The following WWTR1 variants were observed in gnomAD, a reference collection of about 807,000 sequenced individuals.
WWTR1 encodes the protein WW domain-containing transcription regulator protein 1.
WWTR1 carries 13 observed loss-of-function variants against 40.1 expected under a neutral mutation model. The ratio of observed to expected loss-of-function variants is 0.32; its 90% CI spans 0.21 to 0.52. The LOEUF is 0.52. Among genes scored for constraint, WWTR1 ranks in the 20% least tolerant of loss-of-function variants. The probability of loss-of-function intolerance (pLI) is 0.97; values close to 1 mark genes in which losing one functional copy is unlikely to be tolerated. For missense variants in WWTR1, 436 were observed against 523.1 expected (o/e 0.83, Z 1.63); for synonymous variants, 230 against 210.1 (o/e 1.09, Z -0.82).
chr3:149,651,482 A>T (rs1358753658), intron 2 of WWTR1, among the ~76,000 whole-genome samples: 1 of 152,156 alleles, frequency 6.6e-6, no homozygotes, highest in Non-Finnish European at 1.5e-5. Flanking sequence ...GACAAAGAAG[A>T]CTCGATAGGT....
chr3:149,568,885 GC>G (rs1274897816), intron 3 of WWTR1, among the ~76,000 whole-genome samples: 2 of 152,190 alleles, frequency 1.3e-5, no homozygotes, highest in African/African-American at 2.4e-5. Flanking sequence ...TCCTGCCTCA[GC>G]CTCCCGAGCA....
At chr3:149,599,239 A>T (rs932539441) in intron 2 of WWTR1, among the ~76,000 whole-genome samples, 3 of 152,238 alleles carry the variant, frequency 2.0e-5, no homozygotes, top group Admixed American at 1.3e-4. Flanking sequence ...CCAATTAGCA[A>T]ATGGATTGTT....
chr3:149,532,813 C>T (rs1190682941), intron 4 of WWTR1, among the ~76,000 whole-genome samples: 1 of 152,210 alleles, frequency 6.6e-6, no homozygotes, highest in Non-Finnish European at 1.5e-5. Flanking sequence ...GAAAGGCAAA[C>T]GTCTGACTTA....
At chr3:149,690,603 T>C (rs1714792441) in intron 1 of WWTR1, among the ~76,000 whole-genome samples, 1 of 152,060 alleles carries the variant, frequency 6.6e-6, no homozygotes, top group South Asian at 2.1e-4. Context: ...CAATGGAGCA[T>C]CCAGATATAT....
intron 4 of WWTR1, among the ~76,000 whole-genome samples, chr3:149,722,718 A>C (rs1415282844): frequency 2.0e-5 from 3 of 151,362 alleles, no homozygotes; most frequent in Admixed American, 1.3e-4. Context: ...ACGTTCCTCC[A>C]GTCTTTTTTC....
intron 3 of WWTR1, among the ~76,000 whole-genome samples, chr3:149,550,783 ATTTTC>A (rs1736585999): frequency 8.6e-6 from 1 of 116,160 alleles, no homozygotes; most frequent in African/African-American, 3.5e-5. Context: ...ATCTGCTGAC[ATTTTC>A]CATAAGCACG....
At chr3:149,625,004 T>C (rs1216760626) in intron 2 of WWTR1, among the ~76,000 whole-genome samples, 2 of 151,892 alleles carry the variant, frequency 1.3e-5, no homozygotes, top group Non-Finnish European at 2.9e-5. Flanking sequence ...GCGCTGGGAT[T>C]ATATGTGTGA....
At chr3:149,625,862 G>A (rs1740522952) in intron 2 of WWTR1, among the ~76,000 whole-genome samples, 1 of 151,498 alleles carries the variant, frequency 6.6e-6, no homozygotes, top group African/African-American at 2.4e-5. Context: ...GTTGTTCTAT[G>A]CATAGCACTA....
chr3:149,626,165 C>T (rs1316989278), intron 2 of WWTR1, among the ~76,000 whole-genome samples: 1 of 152,170 alleles, frequency 6.6e-6, no homozygotes, highest in Non-Finnish European at 1.5e-5. Context: ...GGGACCAAGT[C>T]TTAAATTGGG....
chr3:149,538,806 G>A (rs1735946917), intron 4 of WWTR1, among the ~76,000 whole-genome samples: 1 of 152,080 alleles, frequency 6.6e-6, no homozygotes, highest in Admixed American at 6.5e-5. Flanking sequence ...AGCAGGGAAT[G>A]GTTTTAATTT....
intron 2 of WWTR1, among the ~76,000 whole-genome samples, chr3:149,630,141 G>A (rs1416729684): frequency 7.2e-5 from 11 of 151,988 alleles, no homozygotes; most frequent in African/African-American, 2.2e-4. Flanking sequence ...CCACCACACC[G>A]GGCTAACTTC....
intron 2 of WWTR1, among the ~76,000 whole-genome samples, chr3:149,665,769 A>T (rs1157133464): frequency 6.6e-6 from 1 of 152,204 alleles, no homozygotes; most frequent in Non-Finnish European, 1.5e-5. Flanking sequence ...AAATTATATT[A>T]AAAACTATGT....
intron 2 of WWTR1, among the ~76,000 whole-genome samples, chr3:149,607,381 A>C (rs1739536144): frequency 6.6e-6 from 1 of 152,014 alleles, no homozygotes; most frequent in Admixed American, 6.6e-5. Flanking sequence ...GTAGCGTGAT[A>C]TTGGCTCACT....
In WWTR1 at chr3:149,722,358, TG is replaced by T. The variant is rs577885676; in HGVS notation, n.459+1721del. On this transcript the variant is annotated intron_variant and non_coding_transcript_variant, in intron 4 of 6. Coordinates refer to the WWTR1 transcript ENST00000474080. The stretch of plus-strand genomic sequence containing the variant: ...TAGGTTGTTGATTTAAGACATTTAT[TG>T]TTTTTTTAATGTAAGCTATTTAATG... 1.4e-4 allele frequency among the ~76,000 whole-genome samples: 22 copies of T among 152,226 alleles called. No individual in the cohort carries two copies. The East Asian group carries it at 2.9e-3, about 20-fold the overall frequency.
At chr3:149,565,883 G>A (rs1186319936) in intron 3 of WWTR1, among the ~76,000 whole-genome samples, 1 of 145,984 alleles carries the variant, frequency 6.9e-6, no homozygotes. Flanking sequence ...AGCTGAGATT[G>A]TGCCATTGCA....
intron 5 of WWTR1, among the ~76,000 whole-genome samples, chr3:149,715,007 A>C (rs898652989): frequency 1.3e-5 from 2 of 150,960 alleles, no homozygotes; most frequent in African/African-American, 4.9e-5. Context: ...ACAGCTGAAA[A>C]CTCGTCGGGA....
intron 1 of WWTR1, among the ~76,000 whole-genome samples, chr3:149,676,922 CTTTT>C (rs370634233): frequency 7.1e-6 from 1 of 141,474 alleles, no homozygotes. Context: ...CCTTGAGACT[CTTTT>C]TTTTTTTTTT....
chr3:149,600,552 GATA>G (rs1739196831), intron 2 of WWTR1, among the ~76,000 whole-genome samples: 1 of 152,092 alleles, frequency 6.6e-6, no homozygotes, highest in South Asian at 2.1e-4. Flanking sequence ...AAATAAAATT[GATA>G]ATAAGCATTA....
At chr3:149,632,902 T>C (rs1278073232) in intron 2 of WWTR1, among the ~76,000 whole-genome samples, 1 of 152,192 alleles carries the variant, frequency 6.6e-6, no homozygotes, top group Non-Finnish European at 1.5e-5. Context: ...CTGGTGAAGA[T>C]GAGAATGTGG....
Sources: gnomAD v4.1 joint callset for allele counts (sites outside exome capture counted in the v4.1 genomes callset) on GRCh38, gnomAD v4.1.1 for gene constraint, MANE v1.5 for transcripts, NCBI Gene and HGNC (gene_info 2026-07-23, HGNC 2026-07-21) for gene names.